Variants in ADAMTSL1 observed in about 807,000 individuals in gnomAD.
ADAMTSL1 encodes ADAMTS-like protein 1.
A neutral mutation model predicts 201.8 loss-of-function variants in ADAMTSL1; 126 were observed. That is an observed-to-expected ratio of 0.62 (90% CI 0.54 to 0.72). The LOEUF is 0.72. ADAMTSL1 is among the 30% of genes least tolerant of loss of function. The pLI is 0.00. For synonymous variants in ADAMTSL1, 1,121 were observed against 903.4 expected (o/e 1.24, Z -4.32); for missense variants, 2,679 against 2,277.8 (o/e 1.18, Z -3.59).
intron 1 of ADAMTSL1, among the ~76,000 whole-genome samples, chr9:18,061,971 A>T (rs1182798371): frequency 1.3e-5 from 2 of 152,316 alleles, no homozygotes; most frequent in East Asian, 3.9e-4. Context: ...TTTGTCATTT[A>T]CTTGGAGACA....
At chr9:18,674,894 A>T (rs555634311) in intron 9 of ADAMTSL1, among the ~76,000 whole-genome samples, 52 of 152,174 alleles carry the variant, frequency 3.4e-4, no homozygotes, top group Admixed American at 1.4e-3. Flanking sequence ...CTTATCCAAA[A>T]CCCATGAATC....
intron 2 of ADAMTSL1, among the ~76,000 whole-genome samples, chr9:18,172,946 A>G (rs1401193250): frequency 1.3e-5 from 2 of 152,180 alleles, no homozygotes; most frequent in Non-Finnish European, 2.9e-5. Flanking sequence ...TGCGAAAAAT[A>G]TGCTTCAACT....
chr9:18,319,389 A>G (rs1488682253), intron 2 of ADAMTSL1, among the ~76,000 whole-genome samples: 1 of 152,126 alleles, frequency 6.6e-6, no homozygotes, highest in East Asian at 1.9e-4. Context: ...ATTAAATGCA[A>G]AACAGTCTTA....
At chr9:18,876,282 G>T (rs993013934) in intron 23 of ADAMTSL1, among the ~76,000 whole-genome samples, 3 of 143,490 alleles carry the variant, frequency 2.1e-5, no homozygotes, top group African/African-American at 7.9e-5. Context: ...TATTTATTGT[G>T]CTAGTTGTTG....
intron 19 of ADAMTSL1, among the ~76,000 whole-genome samples, chr9:18,781,304 GT>G (rs1377344400): frequency 6.6e-6 from 1 of 152,160 alleles, no homozygotes; most frequent in Non-Finnish European, 1.5e-5. Context: ...GGAACAAACA[GT>G]TTTTGCTGCC....
At chr9:18,877,651 C>T (rs1009695365) in intron 23 of ADAMTSL1, among the ~76,000 whole-genome samples, 1 of 152,108 alleles carries the variant, frequency 6.6e-6, no homozygotes, top group African/African-American at 2.4e-5. Context: ...GTGAAGTGGA[C>T]TCTGTGAGGG....
At chr9:18,211,929 C>G (rs1563810970) in intron 2 of ADAMTSL1, among the ~76,000 whole-genome samples, 1 of 152,140 alleles carries the variant, frequency 6.6e-6, no homozygotes, top group African/African-American at 2.4e-5. Flanking sequence ...TTCAAGTGCC[C>G]CTGTTTTCAT....
At chr9:18,130,834 A>G (rs1825920645) in intron 1 of ADAMTSL1, among the ~76,000 whole-genome samples, 1 of 152,192 alleles carries the variant, frequency 6.6e-6, no homozygotes, top group Admixed American at 6.5e-5. Flanking sequence ...ATGAGCAGAC[A>G]CAGCACAAAA....
intron 2 of ADAMTSL1, among the ~76,000 whole-genome samples, chr9:18,343,022 T>C (rs1392220047): frequency 6.6e-6 from 1 of 151,698 alleles, no homozygotes; most frequent in African/African-American, 2.4e-5. Context: ...AAAATGTGGG[T>C]TTTTTTGTTT....
chr9:17,975,695 T>C (rs1405902520), intron 1 of ADAMTSL1, among the ~76,000 whole-genome samples: 1 of 152,110 alleles, frequency 6.6e-6, no homozygotes, highest in Non-Finnish European at 1.5e-5. Flanking sequence ...TGTTGATTGA[T>C]TCCTATGCTG....
At chr9:18,239,199 TAC>T (rs1830965605) in intron 2 of ADAMTSL1, among the ~76,000 whole-genome samples, 1 of 152,174 alleles carries the variant, frequency 6.6e-6, no homozygotes, top group Non-Finnish European at 1.5e-5. Context: ...GCTGTAATAA[TAC>T]CTTAAGACAA....
At chr9:18,815,895 ATGGGGAACAGTGTGATTTTTT>A (rs1231556870) in intron 20 of ADAMTSL1, among the ~76,000 whole-genome samples, 1 of 152,126 alleles carries the variant, frequency 6.6e-6, no homozygotes, top group Non-Finnish European at 1.5e-5. Context: ...GTACATATTT[ATGGGGAACAGTGTGATTTTTT>A]TGGATACATG....
At chr9:18,178,619 A>C (rs368930434) in intron 2 of ADAMTSL1, among the ~76,000 whole-genome samples, 3 of 151,628 alleles carry the variant, frequency 2.0e-5, no homozygotes, top group East Asian at 3.9e-4. Flanking sequence ...GCAGACTTAA[A>C]TGTCCCTGTC....
intron 4 of ADAMTSL1, among the ~76,000 whole-genome samples, chr9:18,618,424 G>C (rs1825831568): frequency 6.6e-6 from 1 of 151,846 alleles, no homozygotes; most frequent in Non-Finnish European, 1.5e-5. Flanking sequence ...GAAATATCAA[G>C]ATTAGTAAAA....
At chr9:18,476,971 T>C (rs1213679000) in intron 1 of ADAMTSL1, among the ~76,000 whole-genome samples, 1 of 152,212 alleles carries the variant, frequency 6.6e-6, no homozygotes, top group Non-Finnish European at 1.5e-5. Context: ...TATTTTACGT[T>C]ACCACCCATA....
chr9:17,957,698 T>C (rs1251330074), intron 1 of ADAMTSL1, among the ~76,000 whole-genome samples: 1 of 152,144 alleles, frequency 6.6e-6, no homozygotes, highest in East Asian at 1.9e-4. Flanking sequence ...GTGAATGTAA[T>C]ACTGAATTAG....
chr9:18,298,293 G>C (rs1317889643), intron 2 of ADAMTSL1, among the ~76,000 whole-genome samples: 1 of 152,158 alleles, frequency 6.6e-6, no homozygotes, highest in Non-Finnish European at 1.5e-5. Flanking sequence ...TAAAAATAAA[G>C]ATATACGGCC....
intron 4 of ADAMTSL1, among the ~76,000 whole-genome samples, chr9:18,580,811 C>G (rs777872747): frequency 1.3e-5 from 2 of 152,006 alleles, no homozygotes; most frequent in African/African-American, 4.8e-5. Context: ...TAGTCCCTGC[C>G]CTTCCAGAAT....
intron 2 of ADAMTSL1, among the ~76,000 whole-genome samples, chr9:18,369,836 C>A (rs1257235240): frequency 6.6e-6 from 1 of 152,168 alleles, no homozygotes; most frequent in Non-Finnish European, 1.5e-5. Flanking sequence ...ATGAAACTGT[C>A]TTTTGCAGCA....
Sources: gnomAD v4.1 joint callset for allele counts (sites outside exome capture counted in the v4.1 genomes callset) on GRCh38, gnomAD v4.1.1 for gene constraint, MANE v1.5 for transcripts, NCBI Gene and HGNC (gene_info 2026-07-23, HGNC 2026-07-21) for gene names.